DECR1: variants seen among roughly 807,000 people sequenced by gnomAD.
DECR1 encodes the protein 2,4-dienoyl-CoA reductase 1, also known as 2,4-dienoyl-CoA reductase [(3E)-enoyl-CoA-producing], mitochondrial.
Under a neutral mutation model 38.8 loss-of-function variants are expected in DECR1, and 44 were observed. That is an observed-to-expected ratio of 1.13 (90% CI 0.89 to 1.46). The LOEUF (loss-of-function observed/expected upper bound fraction) is 1.46, where lower values mean the gene tolerates loss of function less well. Ranked by LOEUF, DECR1 falls within the 40% of genes most tolerant of loss-of-function variation. DECR1 has a pLI of 0.00. For synonymous variants in DECR1, 148 were observed against 135.2 expected (o/e 1.09, Z -0.66); for missense variants, 428 against 405.5 (o/e 1.06, Z -0.48).
intron 5 of DECR1, among the ~76,000 whole-genome samples, chr8:90,022,110 A>G (rs1420072999): frequency 6.6e-6 from 1 of 152,126 alleles, no homozygotes; most frequent in Admixed American, 6.6e-5. Flanking sequence ...GTATTTTCTC[A>G]GAGAAGGTGG....
chr8:90,048,842 C>T (rs138090004), intron 8 of DECR1, among the ~76,000 whole-genome samples: 4 of 152,132 alleles, frequency 2.6e-5, no homozygotes, highest in East Asian at 1.9e-4. Flanking sequence ...TTATCCACCA[C>T]GATCAAGTGG....
At chr8:90,004,204 T>G (rs945674952) in intron 1 of DECR1, among the ~76,000 whole-genome samples, 2 of 151,518 alleles carry the variant, frequency 1.3e-5, no homozygotes, top group Non-Finnish European at 2.9e-5. Flanking sequence ...GTGCCTGTAA[T>G]CCCAGCTACT....
At chr8:90,015,819 C>T (rs1465285088) in intron 1 of DECR1, among the ~76,000 whole-genome samples, 1 of 152,118 alleles carries the variant, frequency 6.6e-6, no homozygotes, top group African/African-American at 2.4e-5. Flanking sequence ...GGCTCTGGAG[C>T]CTGTCAGTCA....
intron 5 of DECR1, chr8:90,029,613 A>T (rs1813443771): frequency 6.6e-6 from 1 of 152,244 alleles, no homozygotes; most frequent in Admixed American, 6.5e-5. Context: ...TAAGTAAAGT[A>T]CATTATACTG....
intron 2 of DECR1, among the ~76,000 whole-genome samples, chr8:90,018,177 C>T (rs144785623): frequency 1.3e-5 from 2 of 152,204 alleles, no homozygotes; most frequent in East Asian, 1.9e-4. Flanking sequence ...CGTGAGCCAC[C>T]GCGCCCAGCC....
chr8:90,009,349 ACT>A (rs1397854207), intron 1 of DECR1, among the ~76,000 whole-genome samples: 3 of 151,520 alleles, frequency 2.0e-5, no homozygotes, highest in African/African-American at 4.9e-5. Context: ...TTTGCTGATG[ACT>A]CTATTTAAAG....
chr8:90,017,579 C>T (rs928653934), intron 2 of DECR1, among the ~76,000 whole-genome samples: 3 of 152,078 alleles, frequency 2.0e-5, no homozygotes, highest in Non-Finnish European at 4.4e-5. Context: ...TTTAATTTCT[C>T]CAATTCAGTG....
rs760450928 is a variant in DECR1, at chr8:90,051,658, A to C, written c.886-19A>C. 9 of 1,606,158 alleles carry C rather than the reference A, an allele frequency of 5.6e-6. No homozygotes were observed. The Admixed American group carries it at 1.5e-4, about 27-fold the overall frequency. ...TTAAAAGGAGTTAGTTTCAGAGTTT[A>C]AAAATTTGTTTTTTCCAGGTCATTA... On this transcript the variant is annotated intron_variant, in intron 8 of 9. Coordinates refer to ENST00000220764, the MANE Select transcript of DECR1 (RefSeq NM_001359.2).
At chr8:90,002,752 G>A (rs1198212652) in intron 1 of DECR1, among the ~76,000 whole-genome samples, 2 of 152,138 alleles carry the variant, frequency 1.3e-5, no homozygotes, top group Non-Finnish European at 2.9e-5. Context: ...TAAAAAGTGA[G>A]ATTTGTTCAG....
intron 5 of DECR1, among the ~76,000 whole-genome samples, chr8:90,021,376 G>A (rs946372087): frequency 6.6e-6 from 1 of 152,148 alleles, no homozygotes; most frequent in African/African-American, 2.4e-5. Flanking sequence ...AAGGACATGT[G>A]AATGTCAATG....
intron 5 of DECR1, among the ~76,000 whole-genome samples, chr8:90,030,876 T>A (rs573314347): frequency 1.1e-4 from 17 of 152,292 alleles, no homozygotes; most frequent in South Asian, 4.1e-4. Flanking sequence ...CCTTTTGAAA[T>A]CACTTTTTTC....
At chr8:90,025,505 A>C (rs1361448774) in intron 5 of DECR1, among the ~76,000 whole-genome samples, 1 of 152,186 alleles carries the variant, frequency 6.6e-6, no homozygotes, top group Non-Finnish European at 1.5e-5. Context: ...GAGTTCACTC[A>C]TGATTTGGCT....
At chr8:90,016,451 A>G (rs905705831) in intron 1 of DECR1, among the ~76,000 whole-genome samples, 7 of 152,054 alleles carry the variant, frequency 4.6e-5, no homozygotes, top group African/African-American at 1.7e-4. Flanking sequence ...CCTAGCCAAC[A>G]TGGTGAAACC....
At chr8:90,016,950 C>G (rs752041668) in intron 1 of DECR1, 174 bp from the exon 2 acceptor site, 30 of 568,876 alleles carry the variant, frequency 5.3e-5, no homozygotes, top group Admixed American at 9.4e-5. Flanking sequence ...AGAGCCTGTG[C>G]TTTTTAAATC....
At chr8:90,051,300 A>T (rs1011776767) in intron 8 of DECR1, among the ~76,000 whole-genome samples, 1 of 152,054 alleles carries the variant, frequency 6.6e-6, no homozygotes, top group African/African-American at 2.4e-5. Flanking sequence ...GGCAATAGAG[A>T]TAAAGAGAGG....
At chr8:90,014,948 G>T (rs910405843) in intron 1 of DECR1, among the ~76,000 whole-genome samples, 1 of 152,044 alleles carries the variant, frequency 6.6e-6, no homozygotes, top group African/African-American at 2.4e-5. Context: ...ACTGTGCTTT[G>T]GCAAAAGGAT....
At chr8:90,016,071 T>C (rs1812999661) in intron 1 of DECR1, among the ~76,000 whole-genome samples, 1 of 152,238 alleles carries the variant, frequency 6.6e-6, no homozygotes, top group Non-Finnish European at 1.5e-5. Flanking sequence ...GATGTTCGCA[T>C]GTAATGTGAG....
At chr8:90,009,712 T>G (rs1020082415) in intron 1 of DECR1, among the ~76,000 whole-genome samples, 3 of 152,204 alleles carry the variant, frequency 2.0e-5, no homozygotes, top group Non-Finnish European at 2.9e-5. Context: ...TAAAAAAGAT[T>G]GTCATTATAG....
At chr8:90,020,590 C>T (rs773793806) in intron 4 of DECR1, among the ~76,000 whole-genome samples, 5 of 152,104 alleles carry the variant, frequency 3.3e-5, no homozygotes, top group East Asian at 1.9e-4. Flanking sequence ...GATGACGTCT[C>T]GCTTTGTTGC....
Sources: allele counts gnomAD v4.1 joint callset (sites outside exome capture counted in the v4.1 genomes callset), GRCh38; gene constraint gnomAD v4.1.1; transcripts MANE v1.5; gene names NCBI Gene and HGNC (gene_info 2026-07-23, HGNC 2026-07-21).